Variants in ITGAV observed in about 807,000 individuals in gnomAD.
ITGAV encodes integrin subunit alpha V, also known as integrin alpha-V.
ITGAV carries 76 observed loss-of-function variants against 143.8 expected under a neutral mutation model. The ratio of observed to expected loss-of-function variants is 0.53; its 90% CI spans 0.44 to 0.64. The LOEUF is 0.64. Among genes scored for constraint, ITGAV ranks in the 30% least tolerant of loss-of-function variants. The pLI, the probability that ITGAV is intolerant of heterozygous loss-of-function variation, is 0.00. For missense variants in ITGAV, 1,193 were observed against 1,274.7 expected, an observed-to-expected ratio of 0.94 and a Z score of 0.98; for synonymous variants, 453 against 446.7, an observed-to-expected ratio of 1.01 and a Z score of -0.18.
chr2:186,607,180 ATTTAC>A (rs1687091503), intron 2 of ITGAV, among the ~76,000 whole-genome samples: 1 of 151,952 alleles, frequency 6.6e-6, no homozygotes. Context: ...TGGTTAGTTT[ATTTAC>A]TTTATTGTGT....
rs1559040173 is a variant in ITGAV, at chr2:186,605,774, C to CATATATTCTTATGTATATGTATA, written c.316+3650_316+3672dup. 3.0e-3 allele frequency among the ~76,000 whole-genome samples: 330 copies of CATATATTCTTATGTATATGTATA among 111,556 alleles called. 36 individuals carry two copies. The highest frequency in any genetic ancestry group is 0.01 in the African/African-American group (319 of 31,294). The allele number at this position is 111,556 out of a possible 152,430, so 73.2% of individuals were successfully genotyped here. A position where few individuals can be genotyped will look rare whatever the true frequency, so the allele number is the denominator to read the frequency against. ...TATATATATATTTATATGTATAATA[C>CATATATTCTTATGTATATGTATA]ATATATTCTTATGTATATGTATAAT... On this transcript the variant is annotated intron_variant, in intron 2 of 29. Coordinates refer to ENST00000261023, the MANE Select transcript of ITGAV (RefSeq NM_002210.5).
chr2:186,601,430 A>G (rs1481106028), intron 1 of ITGAV, among the ~76,000 whole-genome samples: 1 of 151,932 alleles, frequency 6.6e-6, no homozygotes, highest in Non-Finnish European at 1.5e-5. Flanking sequence ...ACTGCACTCC[A>G]GCCTGGGTGA....
chr2:186,635,071 AAATT>A (rs1454015098), intron 6 of ITGAV, among the ~76,000 whole-genome samples: 8 of 152,152 alleles, frequency 5.3e-5, no homozygotes, highest in Non-Finnish European at 1.0e-4. Flanking sequence ...ACACAGTAAT[AAATT>A]AGGACAGAGA....
chr2:186,610,812 A>G (rs186499713), intron 2 of ITGAV, among the ~76,000 whole-genome samples: 1 of 152,346 alleles, frequency 6.6e-6, no homozygotes, highest in African/African-American at 2.4e-5. Context: ...TATTTTCAGT[A>G]GTAAAGTTAT....
intron 2 of ITGAV, 91 bp from the exon 3 acceptor site, chr2:186,622,248 A>G (rs902056645): frequency 1.2e-6 from 1 of 822,170 alleles, no homozygotes; most frequent in South Asian, 1.6e-5. Flanking sequence ...TCAAAGGTGT[A>G]CTATTTCTCA....
At chr2:186,648,552 C>T (rs1688324313) in intron 13 of ITGAV, among the ~76,000 whole-genome samples, 1 of 152,168 alleles carries the variant, frequency 6.6e-6, no homozygotes, top group Non-Finnish European at 1.5e-5. Flanking sequence ...GCAAACTTCA[C>T]CGCCCGGGTT....
intron 1 of ITGAV, among the ~76,000 whole-genome samples, chr2:186,597,703 G>A (rs1355906629): frequency 6.6e-6 from 1 of 152,218 alleles, no homozygotes; most frequent in Non-Finnish European, 1.5e-5. Context: ...GAAGTGAGCA[G>A]CAGGAGAGTG....
chr2:186,655,223 T>G (rs1688549565), intron 16 of ITGAV, among the ~76,000 whole-genome samples: 1 of 151,820 alleles, frequency 6.6e-6, no homozygotes, highest in African/African-American at 2.4e-5. Context: ...AAGATAGGAG[T>G]GTTAAATAAT....
chr2:186,669,677 A>G (rs1210076479), intron 25 of ITGAV, 24 bp from the exon 26 acceptor site: 4 of 1,501,546 alleles, frequency 2.7e-6, no homozygotes, highest in Non-Finnish European at 3.7e-6. Flanking sequence ...ATTTACCACC[A>G]TTTTATTAAT....
intron 26 of ITGAV, among the ~76,000 whole-genome samples, chr2:186,674,838 G>A (rs1689164386): frequency 6.6e-6 from 1 of 152,104 alleles, no homozygotes; most frequent in Non-Finnish European, 1.5e-5. Context: ...AATTGCACTG[G>A]CTAGAACCTT....
At chr2:186,658,741 A>G (rs963564449) in intron 17 of ITGAV, among the ~76,000 whole-genome samples, 3 of 151,828 alleles carry the variant, frequency 2.0e-5, no homozygotes, top group Admixed American at 6.6e-5. Context: ...AGCAGTATCA[A>G]TAATGTTCTT....
chr2:186,641,146 GT>G (rs891201733), intron 11 of ITGAV, among the ~76,000 whole-genome samples, 179 bp downstream of exon 11: 2 of 151,116 alleles, frequency 1.3e-5, no homozygotes, highest in Non-Finnish European at 1.5e-5. Flanking sequence ...TGTTTGTTCT[GT>G]TTTTTTTCAG....
At chr2:186,644,457 C>G (rs1688195188) in intron 12 of ITGAV, among the ~76,000 whole-genome samples, 1 of 152,038 alleles carries the variant, frequency 6.6e-6, no homozygotes, top group Non-Finnish European at 1.5e-5. Flanking sequence ...TCCTGAGTAG[C>G]TGGGACTACA....
At chr2:186,647,030 C>T (rs945128843) in intron 13 of ITGAV, among the ~76,000 whole-genome samples, 153 bp downstream of exon 13, 2 of 152,184 alleles carry the variant, frequency 1.3e-5, no homozygotes, top group Non-Finnish European at 2.9e-5. Context: ...TCATTCCCGT[C>T]ACCTAAGGGT....
intron 14 of ITGAV, among the ~76,000 whole-genome samples, chr2:186,650,414 G>A (rs1315058962): frequency 1.3e-5 from 2 of 152,042 alleles, no homozygotes; most frequent in East Asian, 3.9e-4. Context: ...TGGCCAAGCT[G>A]GTCCTGAACT....
intron 18 of ITGAV, among the ~76,000 whole-genome samples, chr2:186,659,897 A>G (rs1258537274): frequency 6.6e-6 from 1 of 151,836 alleles, no homozygotes; most frequent in Non-Finnish European, 1.5e-5. Flanking sequence ...CATCCTGTAC[A>G]TTAATAATCA....
intron 23 of ITGAV, 98 bp from the exon 24 acceptor site, chr2:186,667,573 A>AT: frequency 1.8e-6 from 1 of 561,168 alleles, no homozygotes; most frequent in Non-Finnish European, 3.1e-6. Flanking sequence ...ATTAAATCTA[A>AT]TTTTATTTAT....
At chr2:186,621,473 C>T (rs527385716) in intron 2 of ITGAV, among the ~76,000 whole-genome samples, 1 of 152,270 alleles carries the variant, frequency 6.6e-6, no homozygotes, top group Non-Finnish European at 1.5e-5. Context: ...CTGTTACCTA[C>T]TCTAGTTCAC....
chr2:186,664,588 A>G lies in ITGAV; in HGVS notation c.2020A>G (p.Ile674Val), dbSNP rs138771382. The G allele has an allele frequency of 2.9e-5, 47 of 1,614,000 alleles. No homozygotes were observed. In the African/African-American group the frequency reaches 5.5e-4, roughly 19 times the overall value. The stretch of plus-strand genomic sequence containing the variant: ...AGAAGGTGCCTACGAAGCTGAGCTC[A>G]TCGTTTCCATTCCACTGCAGGCTGA... ...QGEGAYEAEL[I>V]VSIPLQADFI... Residue 674 changes from isoleucine to valine, a missense_variant, in exon 20 of 30, where the codon ATC becomes GTC. Coordinates refer to ENST00000261023, the MANE Select transcript of ITGAV (RefSeq NM_002210.5).
Sources: gnomAD v4.1 joint callset for allele counts (sites outside exome capture counted in the v4.1 genomes callset) on GRCh38, gnomAD v4.1.1 for gene constraint, MANE v1.5 for transcripts, NCBI Gene and HGNC (gene_info 2026-07-23, HGNC 2026-07-21) for gene names.